Variants in ANXA8 observed in about 807,000 individuals in gnomAD.
ANXA8 encodes the protein annexin A8.
In ANXA8, 9 loss-of-function variants were observed where a neutral mutation model predicts 26.8. The ratio of observed to expected loss-of-function variants is 0.34; its 90% CI spans 0.20 to 0.59. The LOEUF is 0.59. Among genes scored for constraint, ANXA8 ranks in the 20% least tolerant of loss-of-function variants. The probability of loss-of-function intolerance (pLI) is 0.84; values close to 1 mark genes in which losing one functional copy is unlikely to be tolerated. For synonymous variants in ANXA8, 39 were observed against 94.8 expected (o/e 0.41, Z 3.42); for missense variants, 83 against 238.5 (o/e 0.35, Z 4.29).
the ANXA8 span, among the ~76,000 whole-genome samples, chr10:47,686,668 A>T: frequency 6.6e-6 from 1 of 152,058 alleles, no homozygotes; most frequent in East Asian, 1.9e-4. Context: ...ATAATCCAAT[A>T]CATATCTGTC....
the ANXA8 span, among the ~76,000 whole-genome samples, chr10:47,940,924 G>A: frequency 1.4e-5 from 2 of 141,232 alleles, no homozygotes; most frequent in African/African-American, 2.8e-5. Context: ...GAAAGAGGGA[G>A]GGAGGAAGGG....
chr10:47,556,034 A>T, the ANXA8 span, among the ~76,000 whole-genome samples: 1 of 151,976 alleles, frequency 6.6e-6, no homozygotes, highest in Non-Finnish European at 1.5e-5. Context: ...TGGAGAGAAG[A>T]GGCAAAGATA....
chr10:47,603,552 C>T, the ANXA8 span, among the ~76,000 whole-genome samples: 3 of 146,218 alleles, frequency 2.1e-5, no homozygotes, highest in African/African-American at 8.2e-5. Context: ...TGCTCTGTCA[C>T]CTAGGTTGAA....
chr10:47,501,553 C>T, the ANXA8 span, among the ~76,000 whole-genome samples: 3 of 135,854 alleles, frequency 2.2e-5, no homozygotes, highest in Non-Finnish European at 4.7e-5. Flanking sequence ...ACTAAAAATA[C>T]AAAAAATTAG....
the ANXA8 span, among the ~76,000 whole-genome samples, chr10:47,607,484 T>A: frequency 6.7e-6 from 1 of 150,006 alleles, no homozygotes; most frequent in East Asian, 1.9e-4. Context: ...AGAAAGCAAA[T>A]TACAATATTA....
the ANXA8 span, chr10:47,762,657 G>A: frequency 1.3e-6 from 1 of 769,222 alleles, no homozygotes. Context: ...GCTCCCGCAG[G>A]CTGGTCTCGC....
chr10:47,554,781 T>C, the ANXA8 span, among the ~76,000 whole-genome samples: 1 of 152,112 alleles, frequency 6.6e-6, no homozygotes, highest in Non-Finnish European at 1.5e-5. Context: ...GGCTATATAC[T>C]GGGTGCTGCA....
the ANXA8 span, among the ~76,000 whole-genome samples, chr10:47,666,810 C>T: frequency 6.6e-6 from 1 of 151,924 alleles, no homozygotes; most frequent in African/African-American, 2.4e-5. Flanking sequence ...ACCTTCATTT[C>T]CTCTTCTCAT....
the ANXA8 span, among the ~76,000 whole-genome samples, chr10:47,769,173 G>A: frequency 6.9e-6 from 1 of 144,274 alleles, no homozygotes; most frequent in Admixed American, 6.9e-5. Context: ...CTCTGGTTCT[G>A]GAGTGGGTGT....
chr10:47,638,994 C>T, the ANXA8 span, among the ~76,000 whole-genome samples: 5 of 150,134 alleles, frequency 3.3e-5, no homozygotes, highest in Non-Finnish European at 7.4e-5. Flanking sequence ...AATAATGTGA[C>T]TAATATATTA....
At chr10:47,549,077 G>C in the ANXA8 span, among the ~76,000 whole-genome samples, 11 of 152,198 alleles carry the variant, frequency 7.2e-5, no homozygotes, top group East Asian at 1.5e-3. Context: ...TTTGCTTTTA[G>C]ATTTTGGAAC....
At chr10:47,499,202 C>G in the ANXA8 span, among the ~76,000 whole-genome samples, 4 of 136,370 alleles carry the variant, frequency 2.9e-5, no homozygotes, top group African/African-American at 1.2e-4. Context: ...AGATTAGCAT[C>G]CAAGATGGAA....
At chr10:47,957,276 AG>A in the ANXA8 span, among the ~76,000 whole-genome samples, 1 of 150,460 alleles carries the variant, frequency 6.6e-6, no homozygotes, top group Non-Finnish European at 1.5e-5. Context: ...TGTGTCTCTG[AG>A]GACTAGAGAT....
the ANXA8 span, among the ~76,000 whole-genome samples, chr10:47,726,601 T>C: frequency 2.0e-5 from 3 of 152,284 alleles, no homozygotes; most frequent in Non-Finnish European, 2.9e-5. Flanking sequence ...TTTATATTAG[T>C]ATCTGAAATT....
chr10:47,529,332 T>C, the ANXA8 span, among the ~76,000 whole-genome samples: 1 of 149,898 alleles, frequency 6.7e-6, no homozygotes, highest in Non-Finnish European at 1.5e-5. Flanking sequence ...AGATCAGGGT[T>C]GTACAGTGTA....
the ANXA8 span, among the ~76,000 whole-genome samples, chr10:47,496,813 A>G: frequency 2.0e-5 from 3 of 149,268 alleles, no homozygotes; most frequent in South Asian, 6.5e-4. Context: ...TGGCAATTAC[A>G]GCACAAAAAT....
the ANXA8 span, among the ~76,000 whole-genome samples, chr10:47,711,878 T>C: frequency 3.0e-5 from 1 of 33,158 alleles, no homozygotes; most frequent in Non-Finnish European, 5.5e-5. Flanking sequence ...ATTAAGATGT[T>C]GTTGTTCTTT....
chr10:47,565,319 G>A, the ANXA8 span: 5 of 510,024 alleles, frequency 9.8e-6, no homozygotes, highest in African/African-American at 5.1e-5. Flanking sequence ...CGGCCCGAGC[G>A]CGGGCAGGAA....
At chr10:47,519,529 G>C in the ANXA8 span, among the ~76,000 whole-genome samples, 1 of 104,360 alleles carries the variant, frequency 9.6e-6, no homozygotes, top group East Asian at 4.5e-4. Context: ...TCACCGTGTG[G>C]AACCACCTGC....
Sources: gnomAD v4.1 joint callset for allele counts (sites outside exome capture counted in the v4.1 genomes callset) on GRCh38, gnomAD v4.1.1 for gene constraint, MANE v1.5 for transcripts, NCBI Gene and HGNC (gene_info 2026-07-23, HGNC 2026-07-21) for gene names.